The following GIN1 variants were observed in gnomAD, a reference collection of about 807,000 sequenced individuals.
The protein encoded by GIN1 is gypsy retrotransposon integrase-like protein 1.
Under a neutral mutation model 51.4 loss-of-function variants are expected in GIN1, and 41 were observed. The observed-to-expected ratio is 0.80, with a 90% confidence interval of 0.62 to 1.04. The LOEUF is 1.04. GIN1 is among the 50% of genes least tolerant of loss of function. GIN1 has a pLI of 0.00. For synonymous variants in GIN1, 222 were observed against 206.5 expected (o/e 1.07, Z -0.64); for missense variants, 610 against 612.4 (o/e 1.00, Z 0.04).
intron 4 of GIN1, chr5:103,102,870 AC>A (rs1215874371): frequency 6.6e-6 from 1 of 151,930 alleles, no homozygotes; most frequent in Non-Finnish European, 1.5e-5. Context: ...ACAGAATGAG[AC>A]CCCGTCTCAA....
chr5:103,116,614 T>C (rs906321959), intron 1 of GIN1, among the ~76,000 whole-genome samples: 1 of 151,950 alleles, frequency 6.6e-6, no homozygotes, highest in Non-Finnish European at 1.5e-5. Flanking sequence ...AAGAAAAAAT[T>C]AAAATTTTTA....
At position 103,097,428 on chromosome 5, in the gene GIN1, A is replaced by C. The variant is rs1554195222; in HGVS notation, c.894T>G (p.Thr298=). ...CATCCACTTCATGAAGACTATCTGA[A>C]GTCTCAGGCATATAAGGATTTCGAC... ...MFSRNPYMPE[T]SDSLHEVDGD... The change falls in exon 6 of 8, where the codon ACT becomes ACG. Residue 298 remains threonine (T), a synonymous_variant. Transcript: ENST00000399004. 1 of 1,578,276 alleles carries C rather than the reference A, an allele frequency of 6.3e-7. No individual in the cohort carries two copies. The highest frequency in any genetic ancestry group is 8.7e-7 in the Non-Finnish European group (1 of 1,147,930).
rs782790335 is a variant in GIN1, at chr5:103,087,910, T to C, written c.1557A>G (p.Glu519=). 6.7e-7 allele frequency: 1 copy of C among 1,487,852 alleles called. No homozygotes were observed. Among genetic ancestry groups the C allele is most frequent in the Non-Finnish European group, 9.1e-7 (1 of 1,095,104 alleles). The allele number at this position is 1,487,852 out of a possible 1,614,324, so 92.2% of individuals were successfully genotyped here. ...SLLDSSNQVL[E]YLS is the part of the protein sequence containing the mutation. ...ATTTTGGTATTTACTAACTTAAGTATTCAAGAACCTGGTTTGAAGAGTCCA... is the reference window on the plus strand; with the variant it reads ...ATTTTGGTATTTACTAACTTAAGTACTCAAGAACCTGGTTTGAAGAGTCCA... The change falls in exon 8 of 8, where the codon GAA becomes GAG. Residue 519 remains glutamate (E), a synonymous_variant. Coordinates refer to ENST00000399004, the MANE Select transcript of GIN1 (RefSeq NM_017676.2).
intron 4 of GIN1, among the ~76,000 whole-genome samples, chr5:103,098,700 C>T (rs1437790820): frequency 5.3e-5 from 8 of 152,106 alleles, no homozygotes; most frequent in African/African-American, 1.7e-4. Context: ...CTCAAGCAAT[C>T]CATGCACCTC....
intron 1 of GIN1, among the ~76,000 whole-genome samples, chr5:103,117,956 G>A (rs1296568780): frequency 6.6e-6 from 1 of 151,924 alleles, no homozygotes; most frequent in African/African-American, 2.4e-5. Flanking sequence ...TATAATACTT[G>A]GTTCAGGCCT....
intron 1 of GIN1, among the ~76,000 whole-genome samples, chr5:103,111,212 C>A (rs114495673): frequency 2.6e-5 from 4 of 151,750 alleles, no homozygotes; most frequent in Non-Finnish European, 5.9e-5. Flanking sequence ...ATCATTTTTT[C>A]TTTGTGTCCT....
intron 2 of GIN1, among the ~76,000 whole-genome samples, chr5:103,107,306 G>C (rs1554196427): frequency 6.6e-6 from 1 of 151,518 alleles, no homozygotes; most frequent in Non-Finnish European, 1.5e-5. Flanking sequence ...TCCTGGAACA[G>C]AATTTTCTAA....
At chr5:103,109,021 A>G (rs1554196648) in intron 1 of GIN1, among the ~76,000 whole-genome samples, 1 of 152,134 alleles carries the variant, frequency 6.6e-6, no homozygotes. Flanking sequence ...GTTTTGCTTA[A>G]AATTTCATTG....
At chr5:103,108,496 C>G (rs1787786881) in intron 2 of GIN1, 73 bp downstream of exon 2, 1 of 1,063,692 alleles carries the variant, frequency 9.4e-7, no homozygotes, top group Admixed American at 2.1e-5. Context: ...TACAGAAATT[C>G]CCAAACTTCC....
Position 103,095,368 on chromosome 5 carries a change from A to C in GIN1, c.1294+1173T>G, listed in dbSNP as rs148717674. On this transcript the variant is annotated intron_variant, in intron 7 of 7. Transcript: ENST00000399004. ...GTATCTTGACTGTTCAGAATGAGTC[A>C]AATTTAGGGGCAAATATAACTTGTT... Among the ~76,000 whole-genome samples the C allele has an allele frequency of 2.9e-3, 444 of 152,262 alleles. 5 individuals are homozygous for C. The highest frequency in any genetic ancestry group is 0.01 in the African/African-American group (419 of 41,548).
In GIN1 at chr5:103,087,872, A is replaced by G. The variant is rs468844; in HGVS notation, c.*26T>C. On this transcript the variant is annotated 3_prime_UTR_variant, in exon 8 of 8. Coordinates refer to ENST00000399004, the MANE Select transcript of GIN1 (RefSeq NM_017676.2). ...CATTAAGAATTTATATTCTAAACAA[A>G]CAATTTAAATAAATTTTGGTATTTA... The G allele has an allele frequency of 0.27, 261,833 of 959,602 alleles. 38,224 individuals carry two copies. Among genetic ancestry groups the G allele is most frequent in the East Asian group, 0.45 (17,079 of 37,704 alleles). 59.4% of individuals were successfully genotyped at this position (959,602 alleles called of 1,614,324 possible).
intron 7 of GIN1, among the ~76,000 whole-genome samples, chr5:103,091,817 G>T (rs1273544193): frequency 6.6e-6 from 1 of 152,018 alleles, no homozygotes; most frequent in African/African-American, 2.4e-5. Context: ...TTGATGTCAG[G>T]AGTTTGAGAC....
chr5:103,111,012 C>T (rs559815784), intron 1 of GIN1, among the ~76,000 whole-genome samples: 1 of 151,680 alleles, frequency 6.6e-6, no homozygotes, highest in African/African-American at 2.4e-5. Context: ...CCATGTCATC[C>T]TCACTACACT....
intron 4 of GIN1, among the ~76,000 whole-genome samples, chr5:103,099,067 T>C (rs1787491625): frequency 6.6e-6 from 1 of 152,108 alleles, no homozygotes; most frequent in Admixed American, 6.6e-5. Context: ...TAAAAAAGAA[T>C]ATTTCAGACG....
rs1554196369 is a variant in GIN1, at chr5:103,106,923, T to C, written c.140-14A>G. 5 of 1,420,786 alleles carry C rather than the reference T, an allele frequency of 3.5e-6. No individual in the cohort carries two copies. Among genetic ancestry groups the C allele is most frequent in the South Asian group, 1.3e-5 (1 of 75,744 alleles). 88.0% of individuals were successfully genotyped at this position (1,420,786 alleles called of 1,614,324 possible). A position where few individuals can be genotyped will look rare whatever the true frequency, so the allele number is the denominator to read the frequency against. On this transcript the variant is annotated splice_polypyrimidine_tract_variant and intron_variant, in intron 2 of 7. Coordinates refer to ENST00000399004, the MANE Select transcript of GIN1 (RefSeq NM_017676.2). ...ACAGCTTTTTTTCTGGAATAAATGATACCAAAAGATAGAATTGCAATTTTT... is the reference window on the plus strand; with the variant it reads ...ACAGCTTTTTTTCTGGAATAAATGACACCAAAAGATAGAATTGCAATTTTT...
At chr5:103,090,655 A>G (rs959225726) in intron 7 of GIN1, among the ~76,000 whole-genome samples, 1 of 152,172 alleles carries the variant, frequency 6.6e-6, no homozygotes, top group South Asian at 2.1e-4. Flanking sequence ...TTCTGTCTGT[A>G]AAAGTTTTTT....
At position 103,106,789 on chromosome 5, in the gene GIN1, C is replaced by T. The variant is rs1554196319; in HGVS notation, c.260G>A (p.Gly87Asp). 6.2e-7 allele frequency: 1 copy of T among 1,605,134 alleles called. No individual in the cohort carries two copies. Among genetic ancestry groups the T allele is most frequent in the South Asian group, 1.1e-5 (1 of 89,814 alleles). ...TACCAGAGTGAGGGTCCTGGATATA[C>T]CATGATGAGCTCCACTGTCATTTTC... ...CHENDSGAHHGISRTLTLVES... is the reference protein window; with the variant it reads ...CHENDSGAHHDISRTLTLVES... Residue 87 changes from glycine to aspartate, a missense_variant, in exon 3 of 8, where the codon GGT (glycine) becomes GAT (aspartate). Coordinates refer to ENST00000399004, the MANE Select transcript of GIN1 (RefSeq NM_017676.2).
chr5:103,096,673 C>A lies in GIN1; in HGVS notation c.1162G>T (p.Val388Phe), dbSNP rs74391316. The change falls in exon 7 of 8, where the codon GTT (valine) becomes TTT (phenylalanine). Residue 388 changes from valine to phenylalanine, a missense_variant. Physicochemically the swap from Val to Phe is conservative, Grantham distance 50. Coordinates refer to ENST00000399004, the MANE Select transcript of GIN1 (RefSeq NM_017676.2). Reference protein sequence around the residue: ...WKDGRFQSEWVGPCVIDYITE... With the variant: ...WKDGRFQSEWFGPCVIDYITE... ...ATATAGTCTATGACACAAGGACCAACCCATTCAGACTGAAAACGACCATCC... is the reference window on the plus strand; with the variant it reads ...ATATAGTCTATGACACAAGGACCAAACCATTCAGACTGAAAACGACCATCC... 2.5e-6 allele frequency: 4 copies of A among 1,614,114 alleles called. No homozygotes were observed. The highest frequency in any genetic ancestry group is 3.4e-6 in the Non-Finnish European group (4 of 1,179,972).
At chr5:103,090,261 C>A (rs1323125245) in intron 7 of GIN1, among the ~76,000 whole-genome samples, 2 of 152,144 alleles carry the variant, frequency 1.3e-5, no homozygotes, top group Admixed American at 1.3e-4. Context: ...TGCACTCCAG[C>A]CTAGGTGACA....
Sources: gnomAD v4.1 joint callset for allele counts (sites outside exome capture counted in the v4.1 genomes callset) on GRCh38, gnomAD v4.1.1 for gene constraint, MANE v1.5 for transcripts, NCBI Gene and HGNC (gene_info 2026-07-23, HGNC 2026-07-21) for gene names.